Variants in BMPR2 observed in about 807,000 individuals in gnomAD.
The protein encoded by BMPR2 is bone morphogenetic protein receptor type-2.
Under a neutral mutation model 100.8 loss-of-function variants are expected in BMPR2, and 29 were observed. The observed-to-expected ratio is 0.29, with a 90% CI of 0.21 to 0.39. BMPR2 has a LOEUF of 0.39. BMPR2 is among the 10% of genes least tolerant of loss of function. The pLI, the probability that BMPR2 is intolerant of heterozygous loss-of-function variation, is 1.00. For synonymous variants in BMPR2, 382 were observed against 442.3 expected (o/e 0.86, Z 1.71); for missense variants, 1,011 against 1,274.5 (o/e 0.79, Z 3.15).
At position 202,477,536 on chromosome 2, in the gene BMPR2, T is replaced by C. The variant is rs575103317; in HGVS notation, c.418+9847T>C. The stretch of plus-strand genomic sequence containing the variant: ...CGGGAGCGGTGGCTCACACCTGTAA[T>C]CCCAGCACTTTGGGAGGCCAAGGCG... On this transcript the variant is annotated intron_variant, in intron 3 of 12. Coordinates refer to ENST00000374580, the MANE Select transcript of BMPR2 (RefSeq NM_001204.7). Among the ~76,000 whole-genome samples the C allele has an allele frequency of 2.5e-3, 376 of 152,238 alleles. 3 individuals are homozygous for C. Among genetic ancestry groups the C allele is most frequent in the African/African-American group, 8.4e-3 (347 of 41,534 alleles).
intron 1 of BMPR2, among the ~76,000 whole-genome samples, chr2:202,431,608 T>A (rs1691503820): frequency 6.6e-6 from 1 of 150,616 alleles, no homozygotes; most frequent in Non-Finnish European, 1.5e-5. Context: ...TTTACTGTAC[T>A]TTTTCTGTGT....
rs113052458 is a variant in BMPR2 at position 202,516,536 on chromosome 2, G to T, written c.621+1557G>T. On this transcript the variant is annotated intron_variant, in intron 5 of 12. Coordinates refer to ENST00000374580, the MANE Select transcript of BMPR2 (RefSeq NM_001204.7). ...TTGTAAAAAATACAAAAATTAGCTG[G>T]GTGTGGTGGCACATGCCTGTAGTCC... Among the ~76,000 whole-genome samples, 952 of 152,246 alleles carry T rather than the reference G, an allele frequency of 6.3e-3. 15 individuals carry two copies. Among genetic ancestry groups the T allele is most frequent in the African/African-American group, 0.021 (888 of 41,552 alleles).
intron 1 of BMPR2, among the ~76,000 whole-genome samples, chr2:202,388,169 G>A (rs932075640): frequency 4.6e-5 from 7 of 151,692 alleles, no homozygotes; most frequent in African/African-American, 7.3e-5. Flanking sequence ...GGCCGAGGTG[G>A]GTGGATTAAC....
chr2:202,461,763 T>C (rs1692228799), intron 1 of BMPR2, among the ~76,000 whole-genome samples: 2 of 152,148 alleles, frequency 1.3e-5, no homozygotes, highest in South Asian at 4.1e-4. Flanking sequence ...GTTTAGCTAA[T>C]GATAAGAAAA....
intron 1 of BMPR2, among the ~76,000 whole-genome samples, chr2:202,398,385 CT>C (rs113993301): frequency 6.6e-6 from 1 of 151,306 alleles, no homozygotes; most frequent in African/African-American, 2.4e-5. Context: ...AAACAACTGG[CT>C]TTTTTTTTAA....
chr2:202,556,533 T>A lies in BMPR2; in HGVS notation c.2866+2T>A. 1 of 1,611,486 alleles carries A rather than the reference T, an allele frequency of 6.2e-7. No homozygotes were observed. The highest frequency in any genetic ancestry group is 8.5e-7 in the Non-Finnish European group (1 of 1,180,006). On this transcript the variant is annotated splice_donor_variant, in intron 12 of 12. Transcript: ENST00000374580. LOFTEE classifies it high-confidence loss of function. ...TCCTGGATGGCAGCAGTATACAGAG[T>A]AAGTGGAGGGATCATATAATCTCTC...
In BMPR2 at chr2:202,555,885, T is replaced by C. The variant is rs1426901702; in HGVS notation, c.2220T>C (p.Thr740=). Residue 740 remains threonine (T), a synonymous_variant, in exon 12 of 13, where the codon ACT becomes ACC. Transcript: ENST00000374580. ...GTTTGATTCCTGATGTTCTGCCTAC[T>C]CAGATCTATCCTCTCCCCAAGCAGC... ...QACLIPDVLP[T]QIYPLPKQQN... The C allele has an allele frequency of 6.2e-7, 1 of 1,614,080 alleles. No individual in the cohort carries two copies.
At chr2:202,479,203 A>G (rs1402916687) in intron 3 of BMPR2, among the ~76,000 whole-genome samples, 1 of 152,176 alleles carries the variant, frequency 6.6e-6, no homozygotes, top group East Asian at 1.9e-4. Flanking sequence ...TCTGTTGAAG[A>G]GGGCCACTTG....
chr2:202,381,318 T>TA (rs1416242685), intron 1 of BMPR2, among the ~76,000 whole-genome samples: 1 of 152,188 alleles, frequency 6.6e-6, no homozygotes, highest in Non-Finnish European at 1.5e-5. Flanking sequence ...GCTGTGTAAT[T>TA]ATTGGCAACC....
chr2:202,378,257 G>A (rs770552146), intron 1 of BMPR2, among the ~76,000 whole-genome samples: 27 of 152,144 alleles, frequency 1.8e-4, no homozygotes, highest in Non-Finnish European at 3.7e-4. Flanking sequence ...CTAAAGGGTG[G>A]TAGTCATCCT....
At position 202,514,898 on chromosome 2, in the gene BMPR2, A is replaced by G. The variant is rs1687685974; in HGVS notation, c.540A>G (p.Lys180=). The part of the protein sequence containing the change: ...FGYRMLTGDR[K]QGLHSMNMME... ...TTCCTGTTCTTATAGGAGACCGTAA[A>G]CAAGGTCTTCACAGTATGAACATGA... The change falls in exon 5 of 13, where the codon AAA becomes AAG. Residue 180 remains lysine (K), a synonymous_variant. Coordinates refer to ENST00000374580, the MANE Select transcript of BMPR2 (RefSeq NM_001204.7). 4 of 1,613,794 alleles carry G rather than the reference A, an allele frequency of 2.5e-6. No homozygotes were observed. The highest frequency in any genetic ancestry group is 2.7e-5 in the African/African-American group (2 of 74,932).
At chr2:202,393,583 A>G (rs949870615) in intron 1 of BMPR2, among the ~76,000 whole-genome samples, 11 of 152,132 alleles carry the variant, frequency 7.2e-5, no homozygotes, top group Admixed American at 3.9e-4. Flanking sequence ...GCTGAGAGCT[A>G]CTGTGCCCAG....
intron 1 of BMPR2, among the ~76,000 whole-genome samples, chr2:202,415,950 C>T (rs1458098175): frequency 6.6e-6 from 1 of 152,108 alleles, no homozygotes; most frequent in African/African-American, 2.4e-5. Context: ...ATTTCATAGG[C>T]TATAGCTGCC....
intron 1 of BMPR2, among the ~76,000 whole-genome samples, chr2:202,406,457 C>A (rs7602428): frequency 3.3e-5 from 5 of 152,196 alleles, no homozygotes; most frequent in African/African-American, 1.2e-4. Context: ...ATGCTGTTAA[C>A]CATTTATACA....
chr2:202,487,350 TAATG>T (rs1294097799), intron 3 of BMPR2, among the ~76,000 whole-genome samples: 1 of 152,192 alleles, frequency 6.6e-6, no homozygotes, highest in Non-Finnish European at 1.5e-5. Flanking sequence ...GAATTCTGTA[TAATG>T]AATCAGATTC....
intron 1 of BMPR2, among the ~76,000 whole-genome samples, chr2:202,443,385 A>G (rs953656186): frequency 3.3e-5 from 5 of 150,852 alleles, no homozygotes; most frequent in Admixed American, 6.6e-5. Flanking sequence ...AGGAACTTCC[A>G]TATTGTTTTC....
In BMPR2 at chr2:202,563,905, T is replaced by A. The variant is rs1305321573; in HGVS notation, c.*3959T>A. The A allele has an allele frequency of 1.6e-4, 24 of 152,212 alleles. No homozygotes were observed. Among genetic ancestry groups the A allele is most frequent in the Admixed American group, 1.6e-3 (24 of 15,274 alleles). 9.4% of individuals were successfully genotyped at this position (152,212 alleles called of 1,614,324 possible). A position where few individuals can be genotyped will look rare whatever the true frequency, so the allele number is the denominator to read the frequency against. ...ATACAAGGATATAATGTCCTTTTTATAAAAGTTTAGTATAGCTTCTTTACA... is the reference window on the plus strand; with the variant it reads ...ATACAAGGATATAATGTCCTTTTTAAAAAAGTTTAGTATAGCTTCTTTACA... On this transcript the variant is annotated 3_prime_UTR_variant, in exon 13 of 13. Coordinates refer to ENST00000374580, the MANE Select transcript of BMPR2 (RefSeq NM_001204.7).
intron 10 of BMPR2, among the ~76,000 whole-genome samples, chr2:202,547,293 G>C (rs562798183): frequency 6.6e-6 from 1 of 151,776 alleles, no homozygotes; most frequent in South Asian, 2.1e-4. Context: ...CTGTAGCCTC[G>C]AACTCCTAAA....
chr2:202,483,432 A>G (rs946055783), intron 3 of BMPR2, among the ~76,000 whole-genome samples: 5 of 150,018 alleles, frequency 3.3e-5, no homozygotes, highest in African/African-American at 1.2e-4. Context: ...CCCAGGCTGG[A>G]GTGCAATGGT....
Sources: gnomAD v4.1 joint callset for allele counts (sites outside exome capture counted in the v4.1 genomes callset) on GRCh38, gnomAD v4.1.1 for gene constraint, MANE v1.5 for transcripts, NCBI Gene and HGNC (gene_info 2026-07-23, HGNC 2026-07-21) for gene names.